Variants in MBOAT2 observed in about 807,000 individuals in gnomAD.
MBOAT2 encodes membrane-bound glycerophospholipid O-acyltransferase 2.
A neutral mutation model predicts 63.4 loss-of-function variants in MBOAT2; 28 were observed. The ratio of observed to expected loss-of-function variants is 0.44; its 90% CI spans 0.33 to 0.61. The LOEUF (loss-of-function observed/expected upper bound fraction) is 0.61, where lower values mean the gene tolerates loss of function less well. MBOAT2 is among the 20% of genes least tolerant of loss of function. The pLI, the probability that MBOAT2 is intolerant of heterozygous loss-of-function variation, is 0.03. For synonymous variants in MBOAT2, 211 were observed against 215.6 expected, an observed-to-expected ratio of 0.98 and a Z score of 0.19; for missense variants, 470 against 605.8, an observed-to-expected ratio of 0.78 and a Z score of 2.35.
chr2:9,003,499 G>A lies in MBOAT2; in HGVS notation c.75+41C>T. The A allele has an allele frequency of 8.6e-7, 1 of 1,164,288 alleles. No homozygotes were observed. Among genetic ancestry groups the A allele is most frequent in the Non-Finnish European group, 1.1e-6 (1 of 943,166 alleles). 72.1% of individuals were successfully genotyped at this position (1,164,288 alleles called of 1,614,324 possible). A position where few individuals can be genotyped will look rare whatever the true frequency, so the allele number is the denominator to read the frequency against. ...GGGTGGCACCGCGGCGGGGAGGGGC[G>A]GCGAGGGCGCGACGCCCGGCGCCAG... is the stretch of plus-strand genomic sequence containing the variant. On this transcript the variant is annotated intron_variant, in intron 1 of 12. Transcript: ENST00000305997. This position sits in a 1 kb window ranked among gnomAD's most constrained non-coding sequence, Gnocchi z 5.4.
At position 8,979,212 on chromosome 2, in the gene MBOAT2, G is replaced by A. The variant is rs1161757399; in HGVS notation, c.76-20570C>T. On this transcript the variant is annotated intron_variant, in intron 1 of 12. Transcript: ENST00000305997. The stretch of plus-strand genomic sequence containing the variant: ...ATAGTACACTTTTCAAGAAGGATCA[G>A]GTCAATATAAAAAGTACTAACTTTT... 9.9e-5 allele frequency among the ~76,000 whole-genome samples: 15 copies of A among 152,146 alleles called. 1 individual carries two copies. The East Asian group carries it at 2.5e-3, about 26-fold the overall frequency.
At chr2:8,996,177 T>C (rs1405949364) in intron 1 of MBOAT2, among the ~76,000 whole-genome samples, 2 of 152,184 alleles carry the variant, frequency 1.3e-5, no homozygotes, top group African/African-American at 4.8e-5. Flanking sequence ...AGGAAGTAAC[T>C]GATGAGTGCT....
intron 7 of MBOAT2, 95 bp downstream of exon 7, chr2:8,876,935 A>G (rs1662739373): frequency 1.6e-6 from 2 of 1,239,436 alleles, no homozygotes; most frequent in South Asian, 3.2e-5. Context: ...TTAAAGAAAC[A>G]GATGGATAAG....
intron 8 of MBOAT2, among the ~76,000 whole-genome samples, chr2:8,871,375 C>G (rs930892417): frequency 6.6e-6 from 1 of 152,046 alleles, no homozygotes; most frequent in Non-Finnish European, 1.5e-5. Context: ...ATTCAAGGAC[C>G]TCGTTCTATT....
intron 3 of MBOAT2, among the ~76,000 whole-genome samples, chr2:8,924,571 G>A (rs542121880): frequency 6.6e-6 from 1 of 152,234 alleles, no homozygotes; most frequent in South Asian, 2.1e-4. Flanking sequence ...AAGAGGAAAG[G>A]AGCTTCGATG....
chr2:8,910,744 AGAG>A (rs1665655383), intron 3 of MBOAT2, among the ~76,000 whole-genome samples: 1 of 152,344 alleles, frequency 6.6e-6, no homozygotes, highest in South Asian at 2.1e-4. Flanking sequence ...TGTCTAATGT[AGAG>A]GATTACAATT....
At chr2:8,941,012 T>A (rs1044420698) in intron 3 of MBOAT2, among the ~76,000 whole-genome samples, 2 of 152,102 alleles carry the variant, frequency 1.3e-5, no homozygotes, top group South Asian at 4.1e-4. Context: ...TCCCATCTAG[T>A]GTATTTGGTC....
Position 8,862,547 on chromosome 2 carries a change from C to G in MBOAT2, c.1185+43G>C, listed in dbSNP as rs747984075. ...GATGTACTCAGCCTTTTTAACAGTT[C>G]AAGTGGACCATTGAATTGTAAAATA... On this transcript the variant is annotated intron_variant, in intron 11 of 12. Transcript: ENST00000305997. The surrounding 1 kb of genome is among the most constrained non-coding windows in gnomAD (Gnocchi z 4.3). 6.3e-7 allele frequency: 1 copy of G among 1,587,550 alleles called. No individual in the cohort carries two copies. Among genetic ancestry groups the G allele is most frequent in the African/African-American group, 1.4e-5 (1 of 73,892 alleles).
intron 7 of MBOAT2, among the ~76,000 whole-genome samples, chr2:8,875,457 T>G (rs1450763589): frequency 6.6e-6 from 1 of 152,184 alleles, no homozygotes; most frequent in African/African-American, 2.4e-5. Flanking sequence ...CAAGTTTGAT[T>G]TACTACTATC....
intron 2 of MBOAT2, among the ~76,000 whole-genome samples, chr2:8,956,690 T>G (rs571327618): frequency 5.3e-5 from 8 of 152,294 alleles, no homozygotes; most frequent in Non-Finnish European, 1.2e-4. Context: ...AAGTGAGACC[T>G]TGTCTTAAAA....
At chr2:8,894,111 C>T (rs1664232841) in intron 4 of MBOAT2, among the ~76,000 whole-genome samples, 2 of 152,128 alleles carry the variant, frequency 1.3e-5, no homozygotes, top group African/African-American at 2.4e-5. Flanking sequence ...AGCCCCCACC[C>T]GCCGACAGAA....
intron 1 of MBOAT2, among the ~76,000 whole-genome samples, chr2:8,991,150 C>G (rs535039422): frequency 1.1e-4 from 16 of 152,222 alleles, no homozygotes; most frequent in African/African-American, 3.6e-4. Flanking sequence ...GCTGATAACT[C>G]CAGAGTTATC....
At chr2:8,989,702 C>T (rs1212495565) in intron 1 of MBOAT2, among the ~76,000 whole-genome samples, 1 of 152,210 alleles carries the variant, frequency 6.6e-6, no homozygotes, top group East Asian at 1.9e-4. Flanking sequence ...CAGACCACTT[C>T]TGGGTTACTC....
intron 4 of MBOAT2, among the ~76,000 whole-genome samples, chr2:8,907,569 T>C (rs998293650): frequency 4.6e-5 from 7 of 152,198 alleles, no homozygotes; most frequent in African/African-American, 1.7e-4. Flanking sequence ...GAATACCTAC[T>C]ATCCATAAAC....
intron 1 of MBOAT2, among the ~76,000 whole-genome samples, chr2:8,982,322 T>C (rs757261761): frequency 2.9e-4 from 44 of 152,168 alleles, no homozygotes; most frequent in African/African-American, 9.7e-5. Flanking sequence ...TATTTCTCAT[T>C]CACTTGGAAA....
chr2:8,945,682 T>A (rs1224641176), intron 2 of MBOAT2, among the ~76,000 whole-genome samples: 5 of 152,208 alleles, frequency 3.3e-5, no homozygotes, highest in Admixed American at 6.5e-5. Context: ...CCCCATGGGC[T>A]GTGGATCATC....
chr2:8,952,798 T>C (rs1002063755), intron 2 of MBOAT2, among the ~76,000 whole-genome samples: 2 of 151,846 alleles, frequency 1.3e-5, no homozygotes, highest in African/African-American at 4.8e-5. Flanking sequence ...AAGCAACCTC[T>C]GCTTTTGTTT....
At chr2:8,986,521 T>C (rs1272105054) in intron 1 of MBOAT2, among the ~76,000 whole-genome samples, 1 of 151,870 alleles carries the variant, frequency 6.6e-6, no homozygotes, top group African/African-American at 2.4e-5. Flanking sequence ...CGTGATCACA[T>C]GACTGCACTC....
intron 5 of MBOAT2, among the ~76,000 whole-genome samples, chr2:8,887,228 C>G (rs1365210864): frequency 6.6e-6 from 1 of 152,142 alleles, no homozygotes; most frequent in Non-Finnish European, 1.5e-5. Flanking sequence ...CTTGATTAAA[C>G]AAGTAGCAGA....
Sources: gnomAD v4.1 joint callset for allele counts (sites outside exome capture counted in the v4.1 genomes callset) on GRCh38, gnomAD v4.1.1 for gene constraint, Gnocchi (gnomAD v3.1) non-coding constraint, MANE v1.5 for transcripts, NCBI Gene and HGNC (gene_info 2026-07-23, HGNC 2026-07-21) for gene names.